Variants in DISC1 observed in about 807,000 individuals in gnomAD.
DISC1 encodes disrupted in schizophrenia 1 protein.
DISC1 carries 57 observed loss-of-function variants against 84.5 expected under a neutral mutation model. That is an observed-to-expected ratio of 0.67 (90% CI 0.55 to 0.84). The LOEUF (loss-of-function observed/expected upper bound fraction) is 0.84, where lower values mean the gene tolerates loss of function less well. Among genes scored for constraint, DISC1 ranks in the 40% least tolerant of loss-of-function variants. The pLI, the probability that DISC1 is intolerant of heterozygous loss-of-function variation, is 0.00. For synonymous variants in DISC1, 411 were observed against 415.2 expected (o/e 0.99, Z 0.12); for missense variants, 1,000 against 1,057.8 (o/e 0.95, Z 0.76).
At chr1:232,024,733 C>G (rs553372314) in intron 11 of DISC1, among the ~76,000 whole-genome samples, 1 of 151,976 alleles carries the variant, frequency 6.6e-6, no homozygotes, top group Non-Finnish European at 1.5e-5. Flanking sequence ...GCTGGGATTA[C>G]AGGCGCCCAC....
intron 9 of DISC1, chr1:231,855,143 G>A: frequency 9.9e-7 from 1 of 1,012,172 alleles, no homozygotes; most frequent in Non-Finnish European, 1.2e-6. Flanking sequence ...GGTTTTCAAT[G>A]TTGATGCAGC....
intron 3 of DISC1, chr1:231,722,572 C>T: frequency 6.2e-7 from 1 of 1,614,198 alleles, no homozygotes; most frequent in Non-Finnish European, 8.5e-7. Flanking sequence ...ACCATGGAAG[C>T]CTCGACATCC....
intron 9 of DISC1, among the ~76,000 whole-genome samples, chr1:231,944,605 G>A (rs1558764120): frequency 6.6e-6 from 1 of 151,950 alleles, no homozygotes; most frequent in Non-Finnish European, 1.5e-5. Context: ...TCTACCTCAG[G>A]GTCAGCTTCC....
chr1:231,867,744 A>G (rs955351112), intron 9 of DISC1, among the ~76,000 whole-genome samples: 5 of 152,228 alleles, frequency 3.3e-5, no homozygotes, highest in Non-Finnish European at 7.3e-5. Context: ...TTAGAAAGAA[A>G]AGTTTTAAGT....
chr1:231,751,523 T>G (rs2074600982), intron 4 of DISC1, among the ~76,000 whole-genome samples: 1 of 152,240 alleles, frequency 6.6e-6, no homozygotes, highest in Admixed American at 6.5e-5. Context: ...AGTTCAGTGG[T>G]ATTGAATACA....
At chr1:231,705,469 G>A (rs2066974483) in intron 3 of DISC1, among the ~76,000 whole-genome samples, 2 of 151,874 alleles carry the variant, frequency 1.3e-5, no homozygotes, top group South Asian at 2.1e-4. Context: ...TGCAACAGAC[G>A]GGGGATTCCG....
intron 3 of DISC1, among the ~76,000 whole-genome samples, chr1:231,713,709 T>TGAG (rs2068199732): frequency 1.4e-5 from 1 of 71,890 alleles, no homozygotes; most frequent in African/African-American, 4.1e-5. Context: ...AGGAGATATA[T>TGAG]ATATATATAT....
At chr1:231,905,573 G>C (rs1297895264) in intron 9 of DISC1, among the ~76,000 whole-genome samples, 7 of 152,176 alleles carry the variant, frequency 4.6e-5, no homozygotes, top group Middle Eastern at 3.4e-3. Context: ...AGTGAGCCAT[G>C]ATTGTGTCAC....
At chr1:231,779,781 A>G (rs976431384) in intron 6 of DISC1, among the ~76,000 whole-genome samples, 1 of 151,632 alleles carries the variant, frequency 6.6e-6, no homozygotes, top group Non-Finnish European at 1.5e-5. Flanking sequence ...GGATGGTCTC[A>G]ATCTCCTGAC....
At chr1:231,947,438 C>T (rs1318022690) in intron 9 of DISC1, among the ~76,000 whole-genome samples, 1 of 152,180 alleles carries the variant, frequency 6.6e-6, no homozygotes, top group African/African-American at 2.4e-5. Flanking sequence ...CTTCCTTACA[C>T]CTTGTACAGA....
At chr1:231,893,181 A>T (rs1035022511) in intron 9 of DISC1, among the ~76,000 whole-genome samples, 2 of 152,146 alleles carry the variant, frequency 1.3e-5, no homozygotes, top group African/African-American at 4.8e-5. Context: ...AAAACAAAAA[A>T]CAATGTGGCA....
At chr1:231,894,778 T>TGTGTGC (rs1553387267) in intron 9 of DISC1, among the ~76,000 whole-genome samples, 16 of 139,314 alleles carry the variant, frequency 1.1e-4, no homozygotes, top group African/African-American at 3.6e-4. Flanking sequence ...TGTGTGTGTG[T>TGTGTGC]GCATCTTTTT....
intron 1 of DISC1, among the ~76,000 whole-genome samples, chr1:231,676,021 G>T (rs1235501214): frequency 6.6e-6 from 1 of 151,916 alleles, no homozygotes; most frequent in Non-Finnish European, 1.5e-5. Context: ...GCTAATTTTT[G>T]TATTTTTAGT....
chr1:231,985,637 C>T (rs932321547), intron 10 of DISC1, among the ~76,000 whole-genome samples: 2 of 152,144 alleles, frequency 1.3e-5, no homozygotes, highest in Non-Finnish European at 2.9e-5. Flanking sequence ...ACCAGTAGCA[C>T]AGGGAGATGT....
At position 232,038,843 on chromosome 1, in the gene DISC1, A is replaced by G. The variant is rs1423518696; in HGVS notation, c.*2012A>G. ...CACTAGGATCCACGGATATGAGACC[A>G]TTTTTGTCATTTCCTGAAGTCACAC... On this transcript the variant is annotated 3_prime_UTR_variant, in exon 13 of 13. Transcript: ENST00000439617. The G allele has an allele frequency of 1.3e-5, 2 of 152,162 alleles. No individual in the cohort carries two copies. Among genetic ancestry groups the G allele is most frequent in the African/African-American group, 2.4e-5 (1 of 41,434 alleles). 9.4% of individuals were successfully genotyped at this position (152,162 alleles called of 1,614,324 possible).
chr1:231,895,534 T>C (rs2087619960), intron 9 of DISC1, among the ~76,000 whole-genome samples: 2 of 152,126 alleles, frequency 1.3e-5, no homozygotes, highest in Non-Finnish European at 2.9e-5. Flanking sequence ...CTTCCACATA[T>C]GTTGTAAATT....
rs1195206617 is a variant in DISC1, at chr1:231,641,636, A to ACC, written c.67+14704_67+14705dup. On this transcript the variant is annotated intron_variant, in intron 1 of 12. Coordinates refer to ENST00000439617, the MANE Select transcript of DISC1 (RefSeq NM_018662.3). ...TGCTTTTATTCTCTTATCTGGCCCC[A>ACC]CCCACATCCTGCTGATTGGTACAGC... Among the ~76,000 whole-genome samples, 21 of 152,248 alleles carry ACC rather than the reference A, an allele frequency of 1.4e-4. No individual in the cohort carries two copies. In the East Asian group the frequency reaches 2.1e-3, roughly 15 times the overall value.
chr1:231,714,872 A>G (rs987518211), intron 3 of DISC1, among the ~76,000 whole-genome samples: 2 of 152,236 alleles, frequency 1.3e-5, no homozygotes, highest in Admixed American at 1.3e-4. Flanking sequence ...ACATGGATTC[A>G]TTTGAAACAA....
chr1:231,930,224 G>A (rs573146326), intron 9 of DISC1, among the ~76,000 whole-genome samples: 8 of 152,256 alleles, frequency 5.3e-5, no homozygotes, highest in Non-Finnish European at 4.4e-5. Context: ...TAACCCTTGC[G>A]TTGTGCAGAT....
Sources: allele counts gnomAD v4.1 joint callset (sites outside exome capture counted in the v4.1 genomes callset), GRCh38; gene constraint gnomAD v4.1.1; transcripts MANE v1.5; gene names NCBI Gene and HGNC (gene_info 2026-07-23, HGNC 2026-07-21).